The following PLCB4 variants were observed in gnomAD, a reference collection of about 807,000 sequenced individuals.
PLCB4 encodes the protein 1-phosphatidylinositol 4,5-bisphosphate phosphodiesterase beta-4.
In PLCB4, 77 loss-of-function variants were observed where a neutral mutation model predicts 178.8. The observed-to-expected ratio is 0.43, with a 90% CI of 0.36 to 0.52. PLCB4 has a LOEUF of 0.52. Ranked by LOEUF, PLCB4 falls within the 20% of genes least tolerant of loss-of-function variation. The pLI is 0.00. For synonymous variants in PLCB4, 496 were observed against 490.8 expected, an observed-to-expected ratio of 1.01 and a Z score of -0.14; for missense variants, 1,024 against 1,453.4, an observed-to-expected ratio of 0.70 and a Z score of 4.80.
chr20:9,426,333 G>A (rs1484782472), intron 28 of PLCB4, among the ~76,000 whole-genome samples: 1 of 152,094 alleles, frequency 6.6e-6, no homozygotes, highest in African/African-American at 2.4e-5. Context: ...CAAATCTGCT[G>A]CCCAGAGACA....
chr20:9,330,914 A>C (rs1415502955), intron 4 of PLCB4, among the ~76,000 whole-genome samples: 4 of 152,214 alleles, frequency 2.6e-5, no homozygotes, highest in Non-Finnish European at 5.9e-5. Flanking sequence ...AATTGTAGCT[A>C]TTTTCTCATA....
chr20:9,430,399 C>G (rs1027862921), intron 28 of PLCB4, among the ~76,000 whole-genome samples: 3 of 152,100 alleles, frequency 2.0e-5, no homozygotes, highest in Non-Finnish European at 4.4e-5. Context: ...GCATTTTGTT[C>G]AAGAACATTA....
intron 2 of PLCB4, among the ~76,000 whole-genome samples, chr20:9,189,425 G>C (rs373676654): frequency 1.0e-5 from 1 of 99,246 alleles, no homozygotes; most frequent in Non-Finnish European, 2.1e-5. Context: ...TCATTGTGGA[G>C]GGCTGTCCTA....
chr20:9,343,708 C>G (rs576363649), intron 7 of PLCB4, among the ~76,000 whole-genome samples: 1 of 152,264 alleles, frequency 6.6e-6, no homozygotes, highest in East Asian at 1.9e-4. Context: ...TCTCCTCTAC[C>G]GGTAAGTCCC....
chr20:9,245,507 G>A (rs1184928179), intron 3 of PLCB4, among the ~76,000 whole-genome samples: 1 of 152,152 alleles, frequency 6.6e-6, no homozygotes, highest in African/African-American at 2.4e-5. Flanking sequence ...CTACAAAAGA[G>A]AGGCAGAAGA....
At chr20:9,091,087 C>T (rs1386477055) in intron 1 of PLCB4, among the ~76,000 whole-genome samples, 1 of 152,042 alleles carries the variant, frequency 6.6e-6, no homozygotes, top group Non-Finnish European at 1.5e-5. Context: ...GCCACATGTT[C>T]TGTAAATGTG....
At chr20:9,134,796 A>C (rs1015408803) in intron 2 of PLCB4, among the ~76,000 whole-genome samples, 6 of 152,138 alleles carry the variant, frequency 3.9e-5, no homozygotes, top group African/African-American at 1.4e-4. Context: ...GAGCTGTCTA[A>C]TTTATTCTAC....
intron 2 of PLCB4, among the ~76,000 whole-genome samples, chr20:9,103,272 T>C (rs915024759): frequency 6.6e-6 from 1 of 152,196 alleles, no homozygotes; most frequent in Non-Finnish European, 1.5e-5. Context: ...ACATGCAGCT[T>C]ATATCATAAC....
rs77189801 is a variant in PLCB4, at chr20:9,292,792, A to G, written c.-15-15008A>G. On this transcript the variant is annotated intron_variant, in intron 3 of 39. Coordinates refer to ENST00000378473, the MANE Select transcript of PLCB4 (RefSeq NM_001377142.1). ...ACACAGAAATGGTACTAAAGTGTGC[A>G]TTTGGGCTGGGCACAGTGGCTCACA... Among the ~76,000 whole-genome samples the G allele has an allele frequency of 4.7e-3, 716 of 152,204 alleles. 4 individuals are homozygous for G. The highest frequency in any genetic ancestry group is 6.8e-3 in the Middle Eastern group (2 of 294).
intron 3 of PLCB4, among the ~76,000 whole-genome samples, chr20:9,292,031 G>A (rs1325563101): frequency 6.6e-6 from 1 of 152,150 alleles, no homozygotes; most frequent in Non-Finnish European, 1.5e-5. Flanking sequence ...CTCGTTGTGT[G>A]TGTATGTTTA....
chr20:9,467,050 C>A (rs1027636721), intron 35 of PLCB4, among the ~76,000 whole-genome samples: 3 of 152,038 alleles, frequency 2.0e-5, no homozygotes, highest in African/African-American at 7.2e-5. Flanking sequence ...CAGTGATAGA[C>A]TGGATTAAAA....
intron 4 of PLCB4, among the ~76,000 whole-genome samples, chr20:9,309,217 A>G (rs886408996): frequency 6.6e-6 from 1 of 152,120 alleles, no homozygotes; most frequent in African/African-American, 2.4e-5. Flanking sequence ...TCCAACATAC[A>G]GCGTATGTTC....
At chr20:9,337,743 C>T (rs1237299981) in intron 5 of PLCB4, among the ~76,000 whole-genome samples, 1 of 151,906 alleles carries the variant, frequency 6.6e-6, no homozygotes, top group African/African-American at 2.4e-5. Context: ...ATAAAAGTAA[C>T]AGATTTTAGA....
Position 9,372,414 on chromosome 20 carries a change from C to T in PLCB4, c.686+11C>T, listed in dbSNP as rs927768351. On this transcript the variant is annotated intron_variant, in intron 11 of 39. Coordinates refer to ENST00000378473, the MANE Select transcript of PLCB4 (RefSeq NM_001377142.1). ...TCTTTTCAAAAAAATGTAAGTTCCA[C>T]TTATGAGGAAGTGCCATATAAATAT... 1.5e-6 allele frequency: 2 copies of T among 1,360,200 alleles called. No homozygotes were observed. The highest frequency in any genetic ancestry group is 1.4e-5 in the African/African-American group (1 of 69,384). The allele number at this position is 1,360,200 out of a possible 1,614,324, so 84.3% of individuals were successfully genotyped here. A position where few individuals can be genotyped will look rare whatever the true frequency, so the allele number is the denominator to read the frequency against.
chr20:9,140,591 C>T (rs572360298), intron 2 of PLCB4, among the ~76,000 whole-genome samples: 1 of 152,086 alleles, frequency 6.6e-6, no homozygotes, highest in Non-Finnish European at 1.5e-5. Context: ...TCGCTCATGA[C>T]TGTCTCGGTG....
chr20:9,409,755 T>C (rs2039723073), intron 24 of PLCB4, among the ~76,000 whole-genome samples: 1 of 151,286 alleles, frequency 6.6e-6, no homozygotes, highest in South Asian at 2.1e-4. Context: ...TTCCAATATA[T>C]AATGACTTTT....
chr20:9,239,040 TA>T (rs2094025960), intron 3 of PLCB4, among the ~76,000 whole-genome samples: 1 of 152,364 alleles, frequency 6.6e-6, no homozygotes, highest in South Asian at 2.1e-4. Flanking sequence ...ACTTAATGAA[TA>T]AAGATTTATA....
At chr20:9,183,346 G>T (rs35095684) in intron 2 of PLCB4, among the ~76,000 whole-genome samples, 6,354 of 152,264 alleles carry the variant, frequency 0.042, 191 homozygotes, top group East Asian at 0.11. Flanking sequence ...GGAGGAGGAA[G>T]TGATGAGGGC....
intron 2 of PLCB4, among the ~76,000 whole-genome samples, chr20:9,146,393 TA>T (rs900509143): frequency 1.3e-5 from 2 of 152,000 alleles, no homozygotes; most frequent in African/African-American, 4.8e-5. Flanking sequence ...CACACAAGAC[TA>T]GGGGTGAGGG....
Sources: allele counts gnomAD v4.1 joint callset (sites outside exome capture counted in the v4.1 genomes callset), GRCh38; gene constraint gnomAD v4.1.1; transcripts MANE v1.5; gene names NCBI Gene and HGNC (gene_info 2026-07-23, HGNC 2026-07-21).